FHIT: variants seen among roughly 807,000 people sequenced by gnomAD.
FHIT encodes bis(5'-adenosyl)-triphosphatase.
Under a neutral mutation model 17.9 loss-of-function variants are expected in FHIT, and 19 were observed. The ratio of observed to expected loss-of-function variants is 1.06; its 90% CI spans 0.74 to 1.56. FHIT has a LOEUF of 1.56. Among genes scored for constraint, FHIT ranks in the 40% most tolerant of loss-of-function variants. The pLI is 0.00. For synonymous variants in FHIT, 81 were observed against 69.7 expected (o/e 1.16, Z -0.81); for missense variants, 248 against 189.2 (o/e 1.31, Z -1.82).
chr3:60,157,582 G>A (rs933447679), intron 5 of FHIT, among the ~76,000 whole-genome samples: 1 of 152,198 alleles, frequency 6.6e-6, no homozygotes, highest in African/African-American at 2.4e-5. Context: ...AAGCTCTGAG[G>A]AAAAGGCAGA....
intron 7 of FHIT, among the ~76,000 whole-genome samples, chr3:59,997,796 T>G (rs1418165047): frequency 6.6e-6 from 1 of 152,186 alleles, no homozygotes; most frequent in Non-Finnish European, 1.5e-5. Flanking sequence ...AAAATTGCAA[T>G]TTATCTAACA....
intron 8 of FHIT, among the ~76,000 whole-genome samples, chr3:59,891,072 C>G (rs1006795890): frequency 5.3e-5 from 8 of 152,188 alleles, no homozygotes; most frequent in South Asian, 4.1e-4. Context: ...TTATGTACTC[C>G]TCAAGGGTAG....
At chr3:60,062,615 C>T (rs1369041584) in intron 5 of FHIT, among the ~76,000 whole-genome samples, 2 of 152,132 alleles carry the variant, frequency 1.3e-5, no homozygotes, top group Non-Finnish European at 2.9e-5. Context: ...TGGATTTATC[C>T]TAAGAAGGCA....
At chr3:59,974,872 G>A (rs1033624790) in intron 7 of FHIT, among the ~76,000 whole-genome samples, 5 of 152,008 alleles carry the variant, frequency 3.3e-5, no homozygotes, top group Admixed American at 2.6e-4. Context: ...CTTATCAGTG[G>A]TCAATATACC....
rs1033700344 is a variant in FHIT at position 60,453,484 on chromosome 3, T to C, written c.103+83376A>G. ...GCACCAGGCTAGGATGCAACATAGA[T>C]AGATGTGGGAAGTCAAGGGAGATGA... is the stretch of plus-strand genomic sequence containing the variant. On this transcript the variant is annotated intron_variant, in intron 5 of 9. Coordinates refer to ENST00000492590, the MANE Select transcript of FHIT (RefSeq NM_002012.4). Among the ~76,000 whole-genome samples the C allele has an allele frequency of 1.1e-4, 16 of 152,202 alleles. No homozygotes were observed. The East Asian group carries it at 1.4e-3, about 13-fold the overall frequency.
intron 4 of FHIT, among the ~76,000 whole-genome samples, chr3:60,609,994 G>A (rs887442472): frequency 1.3e-5 from 2 of 152,122 alleles, no homozygotes; most frequent in Non-Finnish European, 2.9e-5. Flanking sequence ...CCAGCTAATC[G>A]GTATTTAATC....
chr3:59,836,350 G>C (rs1701340042), intron 8 of FHIT, among the ~76,000 whole-genome samples: 1 of 152,128 alleles, frequency 6.6e-6, no homozygotes, highest in Non-Finnish European at 1.5e-5. Context: ...CAAACGCTGA[G>C]AGCTGGTTTG....
intron 3 of FHIT, among the ~76,000 whole-genome samples, chr3:60,987,291 A>T (rs1436258297): frequency 6.6e-6 from 1 of 152,190 alleles, no homozygotes; most frequent in Non-Finnish European, 1.5e-5. Context: ...GCACTGTAAC[A>T]TGTTCATAAT....
chr3:60,920,637 G>C (rs1707231449), intron 3 of FHIT, among the ~76,000 whole-genome samples: 1 of 152,064 alleles, frequency 6.6e-6, no homozygotes, highest in South Asian at 2.1e-4. Flanking sequence ...TGGGGAAGAG[G>C]AAACCTCCTG....
chr3:59,991,041 G>C (rs1709209013), intron 7 of FHIT, among the ~76,000 whole-genome samples: 1 of 152,018 alleles, frequency 6.6e-6, no homozygotes, highest in African/African-American at 2.4e-5. Context: ...ATCCAGATGA[G>C]GTATTGTGGG....
chr3:59,988,750 G>A (rs1220602621), intron 7 of FHIT, among the ~76,000 whole-genome samples: 1 of 152,076 alleles, frequency 6.6e-6, no homozygotes, highest in Non-Finnish European at 1.5e-5. Context: ...TCCCTGTGGG[G>A]GTGGTCCCTG....
At chr3:61,151,026 A>T (rs1183118836) in intron 2 of FHIT, among the ~76,000 whole-genome samples, 1 of 152,240 alleles carries the variant, frequency 6.6e-6, no homozygotes, top group African/African-American at 2.4e-5. Context: ...AGAAATCTAC[A>T]CTGTGAAAAT....
At chr3:60,152,339 G>C (rs1197214690) in intron 5 of FHIT, among the ~76,000 whole-genome samples, 1 of 152,112 alleles carries the variant, frequency 6.6e-6, no homozygotes, top group African/African-American at 2.4e-5. Flanking sequence ...TCAACAACTT[G>C]ACTACATTTT....
rs1013936602 is a variant in FHIT, at chr3:60,160,954, C to CA, written c.104-146803dup. Among the ~76,000 whole-genome samples the CA allele has an allele frequency of 3.7e-3, 540 of 144,070 alleles. 3 individuals are homozygous for CA. Among genetic ancestry groups the CA allele is most frequent in the Non-Finnish European group, 4.5e-3 (293 of 65,440 alleles). The allele number at this position is 144,070 out of a possible 152,430, so 94.5% of individuals were successfully genotyped here. ...ATTTTTAACTTTATCCCAGACAAAG[C>CA]AAAAAAAAAAGACGATTATGCAATC... On this transcript the variant is annotated intron_variant, in intron 5 of 9. Transcript: ENST00000492590.
intron 5 of FHIT, among the ~76,000 whole-genome samples, chr3:60,530,978 T>G (rs187360440): frequency 5.8e-4 from 88 of 152,330 alleles, no homozygotes; most frequent in African/African-American, 1.9e-3. Flanking sequence ...AAGGTCCAAC[T>G]TAACAGTCAC....
intron 7 of FHIT, among the ~76,000 whole-genome samples, chr3:59,997,578 C>T (rs1699565647): frequency 6.6e-6 from 1 of 152,060 alleles, no homozygotes; most frequent in South Asian, 2.1e-4. Flanking sequence ...AGATGATTGT[C>T]CTAAAATACA....
intron 3 of FHIT, among the ~76,000 whole-genome samples, chr3:60,837,312 A>C (rs1702572513): frequency 6.6e-6 from 1 of 152,160 alleles, no homozygotes; most frequent in Non-Finnish European, 1.5e-5. Context: ...TTTAAAATGC[A>C]TTTGGAAGTT....
At chr3:60,008,851 T>G (rs1213731293) in intron 7 of FHIT, among the ~76,000 whole-genome samples, 5 of 152,232 alleles carry the variant, frequency 3.3e-5, no homozygotes, top group Non-Finnish European at 7.3e-5. Context: ...CAAGACTGGC[T>G]TCCAGGGGTC....
chr3:61,209,811 T>C (rs2039395334), intron 1 of FHIT, among the ~76,000 whole-genome samples: 1 of 152,238 alleles, frequency 6.6e-6, no homozygotes, highest in African/African-American at 2.4e-5. Flanking sequence ...TACTCTTGAC[T>C]CATCAAAGTC....
Sources: allele counts gnomAD v4.1 joint callset (sites outside exome capture counted in the v4.1 genomes callset), GRCh38; gene constraint gnomAD v4.1.1; transcripts MANE v1.5; gene names NCBI Gene and HGNC (gene_info 2026-07-23, HGNC 2026-07-21).